Variants in HIVEP3 observed in about 807,000 individuals in gnomAD.
HIVEP3 encodes HIVEP zinc finger 3, also known as transcription factor HIVEP3.
HIVEP3 carries 49 observed loss-of-function variants against 152.8 expected under a neutral mutation model. The ratio of observed to expected loss-of-function variants is 0.32; its 90% CI spans 0.26 to 0.41. The LOEUF (loss-of-function observed/expected upper bound fraction) is 0.41, where lower values mean the gene tolerates loss of function less well. Among genes scored for constraint, HIVEP3 ranks in the 10% least tolerant of loss-of-function variants. The probability of loss-of-function intolerance (pLI) is 1.00; values close to 1 mark genes in which losing one functional copy is unlikely to be tolerated. For missense variants in HIVEP3, 2,790 were observed against 3,103.3 expected, an observed-to-expected ratio of 0.90 and a Z score of 2.40; for synonymous variants, 1,269 against 1,289.0, an observed-to-expected ratio of 0.98 and a Z score of 0.33.
At chr1:41,764,999 C>T (rs1347738979) in intron 1 of HIVEP3, among the ~76,000 whole-genome samples, 1 of 152,230 alleles carries the variant, frequency 6.6e-6, no homozygotes, top group Non-Finnish European at 1.5e-5. Context: ...AGAAAACTGT[C>T]ATGTCAACTG....
At chr1:41,654,755 C>T (rs927625557) in intron 2 of HIVEP3, among the ~76,000 whole-genome samples, 2 of 152,206 alleles carry the variant, frequency 1.3e-5, no homozygotes, top group African/African-American at 4.8e-5. Flanking sequence ...GAAATAGACA[C>T]CATTCTCTAC....
intron 1 of HIVEP3, among the ~76,000 whole-genome samples, chr1:42,006,567 CAA>C (rs35692836): frequency 0.7 from 92,975 of 132,722 alleles, 31,229 homozygotes; most frequent in East Asian, 0.93. Context: ...TTTCCAAAGC[CAA>C]AAAAAAAAAA....
chr1:41,577,923 G>A (rs189611256), intron 4 of HIVEP3, among the ~76,000 whole-genome samples: 1 of 152,334 alleles, frequency 6.6e-6, no homozygotes, highest in Non-Finnish European at 1.5e-5. Context: ...AAGGAAACAT[G>A]CCAGTGAACC....
intron 1 of HIVEP3, among the ~76,000 whole-genome samples, chr1:41,727,564 C>T (rs1339205887): frequency 3.9e-5 from 6 of 152,238 alleles, no homozygotes; most frequent in Admixed American, 2.6e-4. Context: ...ACAAAGAAAA[C>T]GAGAGTGTCC....
intron 1 of HIVEP3, among the ~76,000 whole-genome samples, chr1:41,787,443 A>T (rs1246165321): frequency 3.3e-5 from 5 of 151,986 alleles, no homozygotes; most frequent in African/African-American, 1.2e-4. Context: ...CTCCCTACGT[A>T]TACTTACGCC....
At chr1:41,551,614 T>C (rs895786510) in intron 5 of HIVEP3, among the ~76,000 whole-genome samples, 3 of 152,232 alleles carry the variant, frequency 2.0e-5, no homozygotes, top group Admixed American at 2.0e-4. Context: ...TGGGAGGGTG[T>C]ATGTGTCCAG....
chr1:41,845,421 A>G (rs538013956), intron 1 of HIVEP3, among the ~76,000 whole-genome samples: 187 of 18,024 alleles, frequency 0.01, 1 homozygote, highest in African/African-American at 0.021. Context: ...ACACACACGC[A>G]CACACACACA....
intron 1 of HIVEP3, among the ~76,000 whole-genome samples, chr1:41,775,008 G>T (rs1460692023): frequency 6.6e-6 from 1 of 151,922 alleles, no homozygotes; most frequent in African/African-American, 2.4e-5. Flanking sequence ...TCACGATGTT[G>T]CCCAGGCTGG....
At chr1:41,521,236 CCT>C (rs1300973030) in intron 6 of HIVEP3, among the ~76,000 whole-genome samples, 2 of 152,184 alleles carry the variant, frequency 1.3e-5, no homozygotes, top group East Asian at 3.9e-4. Flanking sequence ...AGAACAGACC[CCT>C]GTCCCCATGT....
chr1:41,529,860 C>G (rs1324029479), intron 5 of HIVEP3, among the ~76,000 whole-genome samples: 1 of 143,704 alleles, frequency 7.0e-6, no homozygotes, highest in African/African-American at 2.6e-5. Flanking sequence ...CACAGTCACA[C>G]TTACATCCTC....
At position 41,796,790 on chromosome 1, in the gene HIVEP3, C is replaced by G. The variant is rs567216743; in HGVS notation, c.-800-95795G>C. On this transcript the variant is annotated intron_variant, in intron 1 of 8. Coordinates refer to ENST00000372583, the MANE Select transcript of HIVEP3 (RefSeq NM_024503.5). ...AAAAAACACAATAGCATATACCATC[C>G]TTCTCCCTAGAATTATTATCAGTAA... Among the ~76,000 whole-genome samples, 125 of 152,282 alleles carry G rather than the reference C, an allele frequency of 8.2e-4. 1 individual carries two copies. Among genetic ancestry groups the G allele is most frequent in the African/African-American group, 2.9e-3 (122 of 41,550 alleles).
intron 2 of HIVEP3, among the ~76,000 whole-genome samples, chr1:41,670,106 A>G (rs1645852141): frequency 1.3e-5 from 2 of 152,192 alleles, no homozygotes. Flanking sequence ...CTAGCACTCA[A>G]TATGGGTCCT....
At chr1:41,556,673 C>T (rs1643970982) in intron 5 of HIVEP3, among the ~76,000 whole-genome samples, 1 of 152,000 alleles carries the variant, frequency 6.6e-6, no homozygotes, top group African/African-American at 2.4e-5. Context: ...CTTTTGTTGC[C>T]TATGCTTGGT....
At chr1:41,686,057 G>GT (rs1019438318) in intron 2 of HIVEP3, among the ~76,000 whole-genome samples, 4 of 150,478 alleles carry the variant, frequency 2.7e-5, no homozygotes, top group Non-Finnish European at 4.4e-5. Context: ...TTGTTTGTTT[G>GT]TTTGTTTTGT....
intron 1 of HIVEP3, 50 bp from the exon 2 acceptor site, chr1:41,701,045 C>T (rs1646355058): frequency 1.1e-6 from 1 of 902,894 alleles, no homozygotes; most frequent in Non-Finnish European, 1.3e-6. Context: ...CATCTGTCAA[C>T]TTTCATCTGA....
chr1:41,860,567 C>A (rs1251007108), intron 1 of HIVEP3, among the ~76,000 whole-genome samples: 1 of 152,182 alleles, frequency 6.6e-6, no homozygotes, highest in Non-Finnish European at 1.5e-5. Context: ...ACACCTGGAG[C>A]CAGATAGCTC....
intron 1 of HIVEP3, among the ~76,000 whole-genome samples, chr1:41,727,997 T>C (rs575090594): frequency 1.3e-5 from 2 of 152,228 alleles, no homozygotes; most frequent in South Asian, 4.1e-4. Context: ...ACCTTCAGGA[T>C]ACCTGGGGAA....
At chr1:41,829,166 T>G (rs349421) in intron 1 of HIVEP3, among the ~76,000 whole-genome samples, 125,737 of 152,058 alleles carry the variant, frequency 0.83, 52,060 homozygotes, top group East Asian at 1. Context: ...GTCACAGGGG[T>G]ATTATTCCAT....
chr1:41,531,758 CAG>C (rs1643262535), intron 5 of HIVEP3, among the ~76,000 whole-genome samples: 2 of 60,464 alleles, frequency 3.3e-5, no homozygotes, highest in African/African-American at 7.3e-5. Context: ...AGATGGAGGA[CAG>C]GGGAGATGGA....
Sources: gnomAD v4.1 joint callset for allele counts (sites outside exome capture counted in the v4.1 genomes callset) on GRCh38, gnomAD v4.1.1 for gene constraint, MANE v1.5 for transcripts, NCBI Gene and HGNC (gene_info 2026-07-23, HGNC 2026-07-21) for gene names.